Variants in GPRASP2 observed in about 807,000 individuals in gnomAD.
GPRASP2 encodes G protein-coupled receptor-associated sorting protein 2.
Under a neutral mutation model 36.0 loss-of-function variants are expected in GPRASP2, and 10 were observed. That is an observed-to-expected ratio of 0.28 (90% confidence interval 0.17 to 0.47). The LOEUF (loss-of-function observed/expected upper bound fraction) is 0.47. Ranked by LOEUF, GPRASP2 falls within the 20% of genes least tolerant of loss-of-function variation. The pLI, the probability that GPRASP2 is intolerant of heterozygous loss-of-function variation, is 0.99. For missense variants in GPRASP2, 538 were observed against 626.7 expected (o/e 0.86, Z 1.51); for synonymous variants, 219 against 230.5 (o/e 0.95, Z 0.45).
rs137939858 is a variant in GPRASP2, at chrX:102,714,932, G to C, written c.63G>C (p.Glu21Asp). The change falls in exon 5 of 5, where the codon GAG (glutamate) becomes GAC (aspartate). Residue 21 changes from glutamate (E) to aspartate (D), a missense_variant. Physicochemically the swap from Glu to Asp is conservative, Grantham distance 45. Coordinates refer to ENST00000483720, the MANE Select transcript of GPRASP2 (RefSeq NM_001004051.4). ...AGCCTGAAAAGAAGGCTGGGGAAGA[G>C]GTTATCGCTGGGCCTGAGAGAGAGA... ...QAKPEKKAGE[E>D]VIAGPEREND... The C allele has an allele frequency of 2.4e-3, 2,859 of 1,211,335 alleles. 5 individuals are homozygous for C. The highest frequency in any genetic ancestry group is 3.0e-3 in the Non-Finnish European group (2,707 of 895,520).
At position 102,714,330 on chromosome X, in the gene GPRASP2, A is replaced by C. The variant is rs748472018; in HGVS notation, c.-334+64A>C. The C allele has an allele frequency of 4.3e-5, 5 of 116,991 alleles. No individual in the cohort carries two copies. The South Asian group carries it at 1.0e-3, about 24-fold the overall frequency. 9.6% of individuals were successfully genotyped at this position (116,991 alleles called of 1,213,427 possible). On this transcript the variant is annotated intron_variant, in intron 4 of 4. Transcript: ENST00000483720. ...GGAGACCAGCATGGGTCCGGGAGTG[A>C]TTAGGGTCCAATCTGGGGGCTTCTT...
rs142764351 is a variant in GPRASP2, at chrX:102,716,378, T to C, written c.1509T>C (p.Phe503=). The change falls in exon 5 of 5, where the codon TTT becomes TTC. Residue 503 remains phenylalanine, a synonymous_variant. Transcript: ENST00000483720. ...CTGTTGAATTCAAACCTGGTCTTTT[T>C]CATGGGGTTGGCTTCCGATCCACAA... is the stretch of plus-strand genomic sequence containing the variant. ...EVTVEFKPGL[F]HGVGFRSTSP... 1.7e-5 allele frequency: 21 copies of C among 1,210,320 alleles called. No homozygotes were observed. The highest frequency in any genetic ancestry group is 8.7e-5 in the Admixed American group (4 of 45,787).
intron 2 of GPRASP2, 31 bp from the exon 3 acceptor site, chrX:102,713,751 C>G (rs1389093821): frequency 4.4e-5 from 5 of 112,891 alleles, no homozygotes; most frequent in Non-Finnish European, 7.5e-5. Context: ...CATATCCTGA[C>G]TGTCTTACTT....
At position 102,716,380 on chromosome X, in the gene GPRASP2, A is replaced by G; in HGVS notation, c.1511A>G (p.His504Arg). The change falls in exon 5 of 5, where the codon CAT (histidine) becomes CGT (arginine). Residue 504 changes from histidine (H) to arginine (R), a missense_variant. His to Arg is a conservative substitution (Grantham distance 29, BLOSUM62 0). This residue lies in a region of GPRASP2 where 262 missense variants were observed against 351.7 expected (regional missense o/e 0.74). Coordinates refer to ENST00000483720, the MANE Select transcript of GPRASP2 (RefSeq NM_001004051.4). ...GTTGAATTCAAACCTGGTCTTTTTC[A>G]TGGGGTTGGCTTCCGATCCACAAGC... ...VTVEFKPGLF[H>R]GVGFRSTSPF... 1 of 1,211,698 alleles carries G rather than the reference A, an allele frequency of 8.3e-7. No homozygotes were observed. Among genetic ancestry groups the G allele is most frequent in the Non-Finnish European group, 1.1e-6 (1 of 895,542 alleles).
In GPRASP2 at chrX:102,716,144, T is replaced by C; in HGVS notation, c.1275T>C (p.Ala425=). The C allele has an allele frequency of 8.3e-7, 1 of 1,204,019 alleles. No homozygotes were observed. The highest frequency in any genetic ancestry group is 1.1e-6 in the Non-Finnish European group (1 of 892,396). The change falls in exon 5 of 5, where the codon GCT becomes GCC. Residue 425 remains alanine (A), a synonymous_variant. Coordinates refer to ENST00000483720, the MANE Select transcript of GPRASP2 (RefSeq NM_001004051.4). ...CCATTGGCGGATCCGCGTACTGGGC[T>C]GAGGAAAAGTCCAGTTTGGGGGCTG... ...EGAIGGSAYW[A]EEKSSLGAVA...
chrX:102,715,582 C>G lies in GPRASP2; in HGVS notation c.713C>G (p.Thr238Ser). ...ACCTCTACAGCGTCTTCTTTCTGGA[C>G]TGGAGAAGAGACAAGTGTCAGATCA... ...DETSTASSFW[T>S]GEETSVRSWP... Residue 238 changes from threonine (T) to serine (S), a missense_variant, in exon 5 of 5, where the codon ACT becomes AGT. Coordinates refer to ENST00000483720, the MANE Select transcript of GPRASP2 (RefSeq NM_001004051.4). The G allele has an allele frequency of 8.3e-7, 1 of 1,211,678 alleles. No homozygotes were observed. The highest frequency in any genetic ancestry group is 1.1e-6 in the Non-Finnish European group (1 of 895,553).
At chrX:102,712,868 G>C (rs1348658594) in intron 1 of GPRASP2, among the ~76,000 whole-genome samples, 2 of 112,956 alleles carry the variant, frequency 1.8e-5, no homozygotes, top group Non-Finnish European at 3.8e-5. Context: ...TCTGTGCCCG[G>C]AGAGGGCTGT....
chrX:102,716,563 G>A lies in GPRASP2; in HGVS notation c.1694G>A (p.Arg565Gln), dbSNP rs774219851. The A allele has an allele frequency of 1.2e-5, 14 of 1,210,286 alleles. No homozygotes were observed. The East Asian group carries it at 2.7e-4, about 23-fold the overall frequency. ...FQYDPSYRSV[R>Q]EIREHLRARE... is the part of the protein sequence containing the mutation. Reference sequence around the variant, plus strand: ...TATGATCCTTCCTACCGGTCAGTCCGGGAAATTCGAGAGCATCTTAGGGCC... The same window carrying A: ...TATGATCCTTCCTACCGGTCAGTCCAGGAAATTCGAGAGCATCTTAGGGCC... Residue 565 changes from arginine (R) to glutamine (Q), a missense_variant, in exon 5 of 5, where the codon CGG becomes CAG. Arg to Gln is a conservative substitution (Grantham distance 43, BLOSUM62 1). Around this residue, in one of 2 missense-constraint regions of GPRASP2, gnomAD observed 262 missense variants for 351.7 expected, o/e 0.74. Transcript: ENST00000483720.
intron 2 of GPRASP2, among the ~76,000 whole-genome samples, chrX:102,713,565 G>A (rs1441317263): frequency 8.8e-6 from 1 of 113,169 alleles, no homozygotes; most frequent in Non-Finnish European, 1.9e-5. Flanking sequence ...GGGAGTAATG[G>A]GAAGAATATG....
Position 102,716,265 on chromosome X carries a change from T to C in GPRASP2, c.1396T>C (p.Cys466Arg). Residue 466 changes from cysteine (C) to arginine (R), a missense_variant, in exon 5 of 5, where the codon TGT becomes CGT. This residue lies in a region of GPRASP2 where 262 missense variants were observed against 351.7 expected (regional missense o/e 0.74). Transcript: ENST00000483720. ...RDEACFDLNP[C>R]PVYKVSDRFR... Reference sequence around the variant, plus strand: ...TGAGGCCTGCTTTGACCTAAATCCCTGTCCTGTGTACAAGGTCAGTGATAG... The same window carrying C: ...TGAGGCCTGCTTTGACCTAAATCCCCGTCCTGTGTACAAGGTCAGTGATAG... 8.2e-7 allele frequency: 1 copy of C among 1,212,151 alleles called. No homozygotes were observed. Among genetic ancestry groups the C allele is most frequent in the Non-Finnish European group, 1.1e-6 (1 of 895,640 alleles).
At position 102,715,463 on chromosome X, in the gene GPRASP2, A is replaced by G. The variant is rs781057600; in HGVS notation, c.594A>G (p.Pro198=). ...AAGGAATCCAGCCCTGGTTTGGACC[A>G]GGGGAGGAGACTAATATGGGGTCTT... ...GQKGIQPWFG[P]GEETNMGSWC... is the part of the protein sequence containing the mutation. Residue 198 remains proline, a synonymous_variant, in exon 5 of 5, where the codon CCA becomes CCG. Coordinates refer to ENST00000483720, the MANE Select transcript of GPRASP2 (RefSeq NM_001004051.4). 30 of 1,210,760 alleles carry G rather than the reference A, an allele frequency of 2.5e-5. No homozygotes were observed. In the South Asian group the frequency reaches 5.3e-4, roughly 21 times the overall value.
chrX:102,714,035 GA>G (rs1476907281), intron 3 of GPRASP2, among the ~76,000 whole-genome samples, 153 bp from the exon 4 acceptor site: 2 of 111,538 alleles, frequency 1.8e-5, no homozygotes, highest in Non-Finnish European at 3.8e-5. Flanking sequence ...TTGTGACTCA[GA>G]AAAGACCTGA....
Position 102,716,114 on chromosome X carries a change from G to C in GPRASP2, c.1245G>C (p.Glu415Asp). ...AICESEPGTE[E>D]GAIGGSAYWA... Reference sequence around the variant, plus strand: ...GTGAATCTGAGCCAGGAACTGAGGAGGGGGCCATTGGCGGATCCGCGTACT... The same window carrying C: ...GTGAATCTGAGCCAGGAACTGAGGACGGGGCCATTGGCGGATCCGCGTACT... Residue 415 changes from glutamate to aspartate, a missense_variant, in exon 5 of 5, where the codon GAG (glutamate) becomes GAC (aspartate). Coordinates refer to ENST00000483720, the MANE Select transcript of GPRASP2 (RefSeq NM_001004051.4). The C allele has an allele frequency of 8.4e-7, 1 of 1,194,101 alleles. No individual in the cohort carries two copies. Among genetic ancestry groups the C allele is most frequent in the Non-Finnish European group, 1.1e-6 (1 of 887,744 alleles).
rs993930920 is a variant in GPRASP2, at chrX:102,714,960, G to C, written c.91G>C (p.Asp31His). The C allele has an allele frequency of 5.0e-6, 6 of 1,211,449 alleles. No individual in the cohort carries two copies. The African/African-American group carries it at 1.0e-4, about 21-fold the overall frequency. ...EVIAGPEREN[D>H]VPLVVRPKVR... is the part of the protein sequence containing the mutation. ...TATCGCTGGGCCTGAGAGAGAGAAT[G>C]ATGTCCCTCTGGTGGTCAGACCCAA... is the stretch of plus-strand genomic sequence containing the variant. The change falls in exon 5 of 5, where the codon GAT becomes CAT. Residue 31 changes from aspartate to histidine, a missense_variant. This residue lies in a region of GPRASP2 where 276 missense variants were observed against 275.0 expected (regional missense o/e 1.00). Transcript: ENST00000483720.
At chrX:102,714,481 A>G (rs961138905) in intron 4 of GPRASP2, 56 bp from the exon 5 acceptor site, 8 of 159,542 alleles carry the variant, frequency 5.0e-5, no homozygotes, top group Middle Eastern at 2.3e-3. Context: ...GTCGCACTGC[A>G]TACGTCTCAT....
Position 102,715,926 on chromosome X carries a change from A to G in GPRASP2, c.1057A>G (p.Arg353Gly). ...GEEANSRFRHRDKEDPNTALK... is the reference protein window; with the variant it reads ...GEEANSRFRHGDKEDPNTALK... Reference sequence around the variant, plus strand: ...AGAGGCCAATAGTAGATTCAGGCACAGAGACAAAGAAGATCCTAATACTGC... The same window carrying G: ...AGAGGCCAATAGTAGATTCAGGCACGGAGACAAAGAAGATCCTAATACTGC... Residue 353 changes from arginine (R) to glycine (G), a missense_variant, in exon 5 of 5, where the codon AGA becomes GGA. By Grantham distance (125) the Arg-to-Gly change is moderately radical. Around this residue, in one of 2 missense-constraint regions of GPRASP2, gnomAD observed 276 missense variants for 275.0 expected, o/e 1.00. Transcript: ENST00000483720. 8.3e-7 allele frequency: 1 copy of G among 1,212,043 alleles called. No homozygotes were observed. The highest frequency in any genetic ancestry group is 1.1e-6 in the Non-Finnish European group (1 of 895,606).
In GPRASP2 at chrX:102,714,839, A is replaced by T. The variant is rs750128530; in HGVS notation, c.-31A>T. On this transcript the variant is annotated 5_prime_UTR_variant, in exon 5 of 5. Transcript: ENST00000483720. ...TTGAGGTTTAGACTACGGGAGGAGT[A>T]TATTACCTGACTTTCTTTGTAACTT... 7.6e-6 allele frequency: 9 copies of T among 1,190,499 alleles called. No individual in the cohort carries two copies. The highest frequency in any genetic ancestry group is 1.0e-5 in the Non-Finnish European group (9 of 886,049).
In GPRASP2 at chrX:102,715,567, C is replaced by T. The variant is rs200562810; in HGVS notation, c.698C>T (p.Ala233Val). 6.0e-4 allele frequency: 720 copies of T among 1,209,896 alleles called. No homozygotes were observed. The highest frequency in any genetic ancestry group is 6.8e-4 in the Non-Finnish European group (606 of 895,245). ...GFWSADETSTASSFWTGEETS... is the reference protein window; with the variant it reads ...GFWSADETSTVSSFWTGEETS... Reference sequence around the variant, plus strand: ...TGGTCAGCAGATGAGACCTCTACAGCGTCTTCTTTCTGGACTGGAGAAGAG... The same window carrying T: ...TGGTCAGCAGATGAGACCTCTACAGTGTCTTCTTTCTGGACTGGAGAAGAG... Residue 233 changes from alanine (A) to valine (V), a missense_variant, in exon 5 of 5, where the codon GCG becomes GTG. By Grantham distance (64) the Ala-to-Val change is moderately conservative. Transcript: ENST00000483720.
In GPRASP2 at chrX:102,715,552, A is replaced by T; in HGVS notation, c.683A>T (p.Asp228Val). The T allele has an allele frequency of 8.3e-7, 1 of 1,211,923 alleles. No homozygotes were observed. The highest frequency in any genetic ancestry group is 1.1e-6 in the Non-Finnish European group (1 of 895,563). The change falls in exon 5 of 5, where the codon GAT becomes GTT. Residue 228 changes from aspartate to valine, a missense_variant. Coordinates refer to ENST00000483720, the MANE Select transcript of GPRASP2 (RefSeq NM_001004051.4). ...AATGAGTCTGGGTTCTGGTCAGCAGATGAGACCTCTACAGCGTCTTCTTTC... is the reference window on the plus strand; with the variant it reads ...AATGAGTCTGGGTTCTGGTCAGCAGTTGAGACCTCTACAGCGTCTTCTTTC... ...ASNESGFWSA[D>V]ETSTASSFWT...
Sources: gnomAD v4.1 joint callset for allele counts (sites outside exome capture counted in the v4.1 genomes callset) on GRCh38, gnomAD v4.1.1 for gene constraint, gnomAD v4.1.1 regional missense constraint, MANE v1.5 for transcripts, NCBI Gene and HGNC (gene_info 2026-07-23, HGNC 2026-07-21) for gene names.